Variants in USP40 observed in about 807,000 individuals in gnomAD.
USP40 encodes the protein ubiquitin specific peptidase 40.
Under a neutral mutation model 166.2 loss-of-function variants are expected in USP40, and 143 were observed. That is an observed-to-expected ratio of 0.86 (90% CI 0.75 to 0.99). The LOEUF (loss-of-function observed/expected upper bound fraction) is 0.99. Among genes scored for constraint, USP40 ranks in the 50% least tolerant of loss-of-function variants. USP40 has a pLI of 0.00. For missense variants in USP40, 1,444 were observed against 1,479.7 expected (o/e 0.98, Z 0.40); for synonymous variants, 498 against 524.0 (o/e 0.95, Z 0.68).
Position 233,475,875 on chromosome 2 carries a change from CACG to C in USP40, c.*1514_*1516del, listed in dbSNP as rs1406559886. ...AAGAAGGGCTGGGCGCCCAGCTCGT[CACG>C]ACACTTACAGCTCTGGCGTCATCAG... On this transcript the variant is annotated 3_prime_UTR_variant, in exon 32 of 32. Coordinates refer to ENST00000678225, the MANE Select transcript of USP40 (RefSeq NM_001365479.2). 2 of 152,436 alleles carry C rather than the reference CACG, an allele frequency of 1.3e-5. No homozygotes were observed. The highest frequency in any genetic ancestry group is 2.9e-5 in the Non-Finnish European group (2 of 68,072). 9.4% of individuals were successfully genotyped at this position (152,436 alleles called of 1,614,324 possible). A position where few individuals can be genotyped will look rare whatever the true frequency, so the allele number is the denominator to read the frequency against.
chr2:233,512,529 G>A lies in USP40; in HGVS notation c.2437+40C>T, dbSNP rs1196350027. 8 of 1,445,012 alleles carry A rather than the reference G, an allele frequency of 5.5e-6. No individual in the cohort carries two copies. The African/African-American group carries it at 8.7e-5, about 16-fold the overall frequency. The allele number at this position is 1,445,012 out of a possible 1,614,324, so 89.5% of individuals were successfully genotyped here. On this transcript the variant is annotated intron_variant, in intron 19 of 31. Coordinates refer to ENST00000678225, the MANE Select transcript of USP40 (RefSeq NM_001365479.2). ...CCACTATTTATCAAGAAAGACAGAC[G>A]AGTATAAGCCACCTTTTGAAAGTTA...
intron 30 of USP40, among the ~76,000 whole-genome samples, chr2:233,485,151 A>G (rs1366396719): frequency 1.3e-5 from 2 of 152,136 alleles, no homozygotes; most frequent in African/African-American, 4.8e-5. Context: ...TGGCAGGATT[A>G]TTTCTTACAT....
intron 4 of USP40, among the ~76,000 whole-genome samples, chr2:233,557,942 C>A (rs13030735): frequency 0.3 from 42,832 of 144,212 alleles, 6,764 homozygotes; most frequent in Middle Eastern, 0.38. Context: ...GAACCCAGGG[C>A]TGCAGTGAGC....
chr2:233,534,614 A>G (rs897330792), intron 10 of USP40, among the ~76,000 whole-genome samples: 4 of 152,218 alleles, frequency 2.6e-5, no homozygotes, highest in Non-Finnish European at 5.9e-5. Context: ...TTTTATCAAC[A>G]AACAGAAGAG....
intron 12 of USP40, among the ~76,000 whole-genome samples, chr2:233,528,881 G>A (rs1023862782): frequency 5.9e-5 from 9 of 152,088 alleles, no homozygotes; most frequent in Admixed American, 5.9e-4. Context: ...CAAAGGTGAG[G>A]CCCCAAAAGA....
chr2:233,501,441 C>T (rs2066065092), intron 21 of USP40, among the ~76,000 whole-genome samples: 1 of 152,190 alleles, frequency 6.6e-6, no homozygotes, highest in African/African-American at 2.4e-5. Context: ...TGACTAATCT[C>T]TCTTACATTT....
chr2:233,525,114 C>G (rs2067923615), intron 14 of USP40, among the ~76,000 whole-genome samples: 2 of 152,172 alleles, frequency 1.3e-5, no homozygotes, highest in Admixed American at 1.3e-4. Flanking sequence ...AAATCTGAAG[C>G]TGAGAACTGG....
chr2:233,480,563 G>A lies in USP40; in HGVS notation c.3599+640C>T, dbSNP rs1462828005. 2.0e-5 allele frequency among the ~76,000 whole-genome samples: 3 copies of A among 152,264 alleles called. No individual in the cohort carries two copies. The highest frequency in any genetic ancestry group is 7.2e-5 in the African/African-American group (3 of 41,470). ...AGCCTGTGGCTTGGCCTGACTGCAAGCAGCACCTGCTTCCTCCAGTGGCAG... is the reference window on the plus strand; with the variant it reads ...AGCCTGTGGCTTGGCCTGACTGCAAACAGCACCTGCTTCCTCCAGTGGCAG... On this transcript the variant is annotated intron_variant, in intron 31 of 31. Transcript: ENST00000678225. This position sits in a 1 kb window ranked among gnomAD's most constrained non-coding sequence, Gnocchi z 4.5.
At position 233,511,725 on chromosome 2, in the gene USP40, G is replaced by C. The variant is rs1351646799; in HGVS notation, c.2510C>G (p.Ala837Gly). ...TTATTTTACCTGAGACGAACTTGGT[G>C]CTTTTCCAAGACACAGTCCCAATGA... ...GSSLGLCLGK[A>G]PSSSQLFLFF... is the part of the protein sequence containing the mutation. The change falls in exon 20 of 32, where the codon GCA becomes GGA. Residue 837 changes from alanine to glycine, a missense_variant. Transcript: ENST00000678225. The C allele has an allele frequency of 6.2e-7, 1 of 1,611,258 alleles. No individual in the cohort carries two copies. The highest frequency in any genetic ancestry group is 1.7e-5 in the Admixed American group (1 of 59,728).
rs547135530 is a variant in USP40 at position 233,550,639 on chromosome 2, T to C, written c.837+737A>G. On this transcript the variant is annotated intron_variant, in intron 7 of 31. Transcript: ENST00000678225. ...CAATAGCTAGCTAATAAATGTTCTA[T>C]TCTGAATAAACATATAAGAATGATT... Among the ~76,000 whole-genome samples, 133 of 152,316 alleles carry C rather than the reference T, an allele frequency of 8.7e-4. 1 individual carries two copies. Among genetic ancestry groups the C allele is most frequent in the African/African-American group, 3.1e-3 (129 of 41,582 alleles).
At chr2:233,502,550 A>G (rs942510373) in intron 21 of USP40, among the ~76,000 whole-genome samples, 2 of 152,160 alleles carry the variant, frequency 1.3e-5, no homozygotes, top group African/African-American at 2.4e-5. Context: ...CTCCCCAGAG[A>G]GAGCGCTGCA....
intron 10 of USP40, among the ~76,000 whole-genome samples, chr2:233,537,319 G>C (rs1263826383): frequency 6.6e-6 from 1 of 152,054 alleles, no homozygotes; most frequent in East Asian, 1.9e-4. Flanking sequence ...GGGGATTCTA[G>C]AACCAATCCC....
At chr2:233,506,743 A>AAAAAAAAAAAAAC (rs2066443486) in intron 21 of USP40, among the ~76,000 whole-genome samples, 1 of 144,222 alleles carries the variant, frequency 6.9e-6, no homozygotes, top group Admixed American at 6.9e-5. Flanking sequence ...GAAAATACAA[A>AAAAAAAAAAAAAC]AAAAAAAAAA....
intron 4 of USP40, among the ~76,000 whole-genome samples, chr2:233,557,966 T>C (rs1328211610): frequency 2.1e-5 from 3 of 143,272 alleles, no homozygotes; most frequent in South Asian, 2.2e-4. Flanking sequence ...GATCATGCCA[T>C]TGCACTCCAG....
chr2:233,564,622 C>T (rs1027140674), intron 2 of USP40, among the ~76,000 whole-genome samples: 3 of 152,072 alleles, frequency 2.0e-5, no homozygotes, highest in African/African-American at 7.2e-5. Flanking sequence ...CTGTTTCTTG[C>T]ACACAATCCC....
chr2:233,496,911 C>A, intron 23 of USP40, 79 bp from the exon 24 acceptor site: 1 of 1,006,058 alleles, frequency 9.9e-7, no homozygotes, highest in Non-Finnish European at 1.5e-6. Context: ...AACCCCATGC[C>A]TCTATTATCT....
intron 3 of USP40, chr2:233,561,281 C>A: frequency 7.1e-7 from 1 of 1,408,980 alleles, no homozygotes; most frequent in Non-Finnish European, 9.5e-7. Flanking sequence ...GCCAAAAGAA[C>A]AAAGCTGGAG....
At chr2:233,562,825 G>C (rs1164049194) in intron 2 of USP40, 22 bp from the exon 3 acceptor site, 14 of 1,499,252 alleles carry the variant, frequency 9.3e-6, no homozygotes, top group Middle Eastern at 3.5e-4. Flanking sequence ...GGTAGAATCA[G>C]AGATGCAAAT....
intron 21 of USP40, among the ~76,000 whole-genome samples, chr2:233,509,140 T>G (rs759495911): frequency 3.4e-4 from 52 of 152,310 alleles, no homozygotes; most frequent in Non-Finnish European, 6.9e-4. Context: ...GCTACCAGGT[T>G]GGTCACTCTT....
Sources: allele counts gnomAD v4.1 joint callset (sites outside exome capture counted in the v4.1 genomes callset), GRCh38; gene constraint gnomAD v4.1.1; non-coding constraint Gnocchi (gnomAD v3.1); transcripts MANE v1.5; gene names NCBI Gene and HGNC (gene_info 2026-07-23, HGNC 2026-07-21).